Variants in COLEC10 observed in about 807,000 individuals in gnomAD.
COLEC10 encodes collectin-10.
Under a neutral mutation model 28.4 loss-of-function variants are expected in COLEC10, and 22 were observed. That is an observed-to-expected ratio of 0.78 (90% confidence interval 0.55 to 1.11). The LOEUF (loss-of-function observed/expected upper bound fraction) is 1.11. Among genes scored for constraint, COLEC10 ranks in the 50% least tolerant of loss-of-function variants. The pLI is 0.00. For synonymous variants in COLEC10, 125 were observed against 116.1 expected (o/e 1.08, Z -0.49); for missense variants, 361 against 344.1 (o/e 1.05, Z -0.39).
intron 2 of COLEC10, among the ~76,000 whole-genome samples, chr8:119,052,998 C>T (rs1342302866): frequency 6.6e-6 from 1 of 151,986 alleles, no homozygotes; most frequent in Non-Finnish European, 1.5e-5. Context: ...GGAGGAAAGT[C>T]CTGAGCGAAG....
chr8:119,097,322 A>G (rs1359819071), intron 3 of COLEC10, among the ~76,000 whole-genome samples: 1 of 152,052 alleles, frequency 6.6e-6, no homozygotes, highest in African/African-American at 2.4e-5. Flanking sequence ...AAAGAGTATT[A>G]TCTGACTACG....
chr8:118,952,841 G>A, the COLEC10 span, among the ~76,000 whole-genome samples: 7 of 152,276 alleles, frequency 4.6e-5, no homozygotes, highest in African/African-American at 1.7e-4. Flanking sequence ...TAATTCCCTG[G>A]TCTAGAAGTT....
chr8:119,105,250 G>A (rs1815913673), intron 5 of COLEC10, among the ~76,000 whole-genome samples: 1 of 152,138 alleles, frequency 6.6e-6, no homozygotes. Flanking sequence ...CAAACGATGA[G>A]ACTAAAATGT....
At chr8:119,101,186 A>G (rs774806024) in intron 3 of COLEC10, among the ~76,000 whole-genome samples, 12 of 152,140 alleles carry the variant, frequency 7.9e-5, no homozygotes, top group Non-Finnish European at 1.5e-4. Flanking sequence ...CTTGGGCCGT[A>G]TAACTAATTC....
chr8:119,022,390 T>C (rs558341203), intron 2 of COLEC10, among the ~76,000 whole-genome samples: 20 of 152,242 alleles, frequency 1.3e-4, no homozygotes, highest in African/African-American at 4.3e-4. Flanking sequence ...GCACCAAAGA[T>C]TTTTTAAAAG....
chr8:118,973,047 A>C, the COLEC10 span, among the ~76,000 whole-genome samples: 2 of 151,874 alleles, frequency 1.3e-5, no homozygotes, highest in African/African-American at 4.8e-5. Flanking sequence ...ATTACCTCCC[A>C]TTGGGTCCCT....
At position 119,103,895 on chromosome 8, in the gene COLEC10, G is replaced by A; in HGVS notation, c.442G>A (p.Val148Met). ...GACATCTATGAAGTTTGTCAAGAATGGTGAGCATATTCTCTTTTGTGTTAT... is the reference window on the plus strand; with the variant it reads ...GACATCTATGAAGTTTGTCAAGAATAGTGAGCATATTCTCTTTTGTGTTAT... ...LKTSMKFVKN[V>M]IAGIRETEEK... Residue 148 changes from valine to methionine, a missense_variant and splice_region_variant, in exon 5 of 6, where the codon GTG (valine) becomes ATG (methionine). This residue lies in a region of COLEC10 where 335 missense variants were observed against 308.5 expected (regional missense o/e 1.09). Coordinates refer to ENST00000332843, the MANE Select transcript of COLEC10 (RefSeq NM_006438.5). 1 of 1,589,158 alleles carries A rather than the reference G, an allele frequency of 6.3e-7. No individual in the cohort carries two copies. The highest frequency in any genetic ancestry group is 8.6e-7 in the Non-Finnish European group (1 of 1,157,816).
chr8:119,055,611 T>C (rs1382351808), intron 2 of COLEC10, among the ~76,000 whole-genome samples: 1 of 152,096 alleles, frequency 6.6e-6, no homozygotes, highest in Non-Finnish European at 1.5e-5. Context: ...ACATATTCAA[T>C]TTAATCAGCT....
chr8:118,991,281 T>A (rs1351619765), upstream of COLEC10, among the ~76,000 whole-genome samples: 1 of 152,194 alleles, frequency 6.6e-6, no homozygotes, highest in African/African-American at 2.4e-5. Context: ...TGTCAATATG[T>A]ACCTCCCTGT....
chr8:118,976,570 G>C, the COLEC10 span: 1 of 152,268 alleles, frequency 6.6e-6, no homozygotes, highest in Non-Finnish European at 1.5e-5. Flanking sequence ...AGATTAGCAT[G>C]GCCCCTGTGC....
chr8:118,999,338 C>A (rs1586989859), intron 1 of COLEC10, among the ~76,000 whole-genome samples: 1 of 152,078 alleles, frequency 6.6e-6, no homozygotes, highest in African/African-American at 2.4e-5. Flanking sequence ...CGCCTGTAAT[C>A]CCAGCACTTT....
chr8:119,089,436 C>T (rs79310491), intron 1 of COLEC10, among the ~76,000 whole-genome samples: 5,446 of 152,200 alleles, frequency 0.036, 127 homozygotes, highest in African/African-American at 0.062. Context: ...CATCACAATT[C>T]AGCAACAAGA....
At chr8:119,064,976 T>G (rs989241781), upstream of COLEC10, among the ~76,000 whole-genome samples, 6 of 152,192 alleles carry the variant, frequency 3.9e-5, no homozygotes, top group African/African-American at 1.4e-4. Flanking sequence ...ATATAATGAC[T>G]ATTCAATCAG....
chr8:119,017,399 C>T (rs1396756772), intron 2 of COLEC10, among the ~76,000 whole-genome samples: 1 of 152,086 alleles, frequency 6.6e-6, no homozygotes, highest in Non-Finnish European at 1.5e-5. Flanking sequence ...AATGACAACT[C>T]CTTGCATTTT....
chr8:119,070,446 G>GCTCTCTCTCTCTCTCTCT (rs760543405), intron 1 of COLEC10, among the ~76,000 whole-genome samples: 15 of 80,600 alleles, frequency 1.9e-4, no homozygotes, highest in African/African-American at 9.0e-4. Flanking sequence ...GTTCTCCCTC[G>GCTCTCTCTCTCTCTCTCT]CTCTCTCTCT....
At chr8:119,099,189 C>T (rs1815776010) in intron 3 of COLEC10, among the ~76,000 whole-genome samples, 1 of 152,004 alleles carries the variant, frequency 6.6e-6, no homozygotes, top group African/African-American at 2.4e-5. Context: ...TTATTACAGA[C>T]ATGTTCCCAC....
At chr8:119,069,420 C>T (rs900419891) in intron 1 of COLEC10, among the ~76,000 whole-genome samples, 1 of 150,962 alleles carries the variant, frequency 6.6e-6, no homozygotes, top group South Asian at 2.1e-4. Flanking sequence ...CATAAAGAGA[C>T]CCCATCTCTA....
chr8:119,093,715 C>T (rs1242540169), intron 3 of COLEC10, among the ~76,000 whole-genome samples: 4 of 152,170 alleles, frequency 2.6e-5, no homozygotes, highest in Non-Finnish European at 5.9e-5. Flanking sequence ...TTCTAATTGC[C>T]TTTCCCCATG....
At position 119,044,843 on chromosome 8, in the gene COLEC10, C is replaced by CA. The variant is rs765073886; in HGVS notation, n.235+35304dup. On this transcript the variant is annotated intron_variant and non_coding_transcript_variant, in intron 2 of 6. Coordinates refer to the COLEC10 transcript ENST00000521788. ...ATGGATGACAGAGTGAGACTGTCTCCAAAAAAAAAAAAAAGAAACCACAAC... is the reference window on the plus strand; with the variant it reads ...ATGGATGACAGAGTGAGACTGTCTCCAAAAAAAAAAAAAAAGAAACCACAAC... 3.2e-3 allele frequency among the ~76,000 whole-genome samples: 356 copies of CA among 109,612 alleles called. 1 individual carries two copies. Among genetic ancestry groups the CA allele is most frequent in the African/African-American group, 7.5e-3 (221 of 29,548 alleles). The allele number at this position is 109,612 out of a possible 152,430, so 71.9% of individuals were successfully genotyped here. A position where few individuals can be genotyped will look rare whatever the true frequency, so the allele number is the denominator to read the frequency against.
Sources: allele counts gnomAD v4.1 joint callset (sites outside exome capture counted in the v4.1 genomes callset), GRCh38; gene constraint gnomAD v4.1.1; regional missense constraint gnomAD v4.1.1; transcripts MANE v1.5; gene names NCBI Gene and HGNC (gene_info 2026-07-23, HGNC 2026-07-21).